The following SERPINB7 variants were observed in gnomAD, a reference collection of about 807,000 sequenced individuals.
SERPINB7 encodes serpin family B member 7.
A neutral mutation model predicts 37.4 loss-of-function variants in SERPINB7; 31 were observed. The ratio of observed to expected loss-of-function variants is 0.83; its 90% confidence interval spans 0.62 to 1.12. The LOEUF (loss-of-function observed/expected upper bound fraction) is 1.12, where lower values mean the gene tolerates loss of function less well. Ranked by LOEUF, SERPINB7 falls within the 50% of genes most tolerant of loss-of-function variation. The pLI is 0.00. For missense variants in SERPINB7, 521 were observed against 455.3 expected (o/e 1.14, Z -1.31); for synonymous variants, 163 against 166.1 (o/e 0.98, Z 0.14).
intron 1 of SERPINB7, among the ~76,000 whole-genome samples, chr18:63,755,803 A>G (rs73486047): frequency 0.02 from 3,038 of 152,224 alleles, 36 homozygotes; most frequent in Middle Eastern, 0.027. Flanking sequence ...CTGAGGTGTG[A>G]GAATTGCTTG....
At chr18:63,792,878 G>A (rs576962404) in intron 3 of SERPINB7, among the ~76,000 whole-genome samples, 1 of 152,102 alleles carries the variant, frequency 6.6e-6, no homozygotes, top group East Asian at 1.9e-4. Context: ...TATATTCATA[G>A]ACAACTTACA....
intron 1 of SERPINB7, among the ~76,000 whole-genome samples, chr18:63,755,104 C>T (rs1475043220): frequency 6.6e-6 from 1 of 151,760 alleles, no homozygotes; most frequent in African/African-American, 2.4e-5. Flanking sequence ...CGGGGTTTCA[C>T]CTTGTTAGCC....
intron 2 of SERPINB7, among the ~76,000 whole-genome samples, chr18:63,782,995 G>A (rs1259482489): frequency 2.0e-5 from 3 of 151,402 alleles, no homozygotes; most frequent in African/African-American, 4.9e-5. Context: ...AAAATTAGCC[G>A]GGCATGGTGG....
At chr18:63,765,217 C>G (rs1412112891) in intron 1 of SERPINB7, among the ~76,000 whole-genome samples, 1 of 152,130 alleles carries the variant, frequency 6.6e-6, no homozygotes, top group African/African-American at 2.4e-5. Context: ...GTTACAAACT[C>G]TTGTTCAATT....
intron 1 of SERPINB7, among the ~76,000 whole-genome samples, chr18:63,763,100 T>C (rs1390422468): frequency 6.6e-6 from 1 of 152,158 alleles, no homozygotes; most frequent in African/African-American, 2.4e-5. Flanking sequence ...GACTACAAGG[T>C]AGATGAAAAT....
intron 7 of SERPINB7, among the ~76,000 whole-genome samples, 157 bp downstream of exon 7, chr18:63,801,169 T>C (rs2049544781): frequency 6.6e-6 from 1 of 152,232 alleles, no homozygotes; most frequent in Non-Finnish European, 1.5e-5. Context: ...GGGTACCTAG[T>C]ATGAGCCAGA....
intron 1 of SERPINB7, among the ~76,000 whole-genome samples, chr18:63,755,537 T>C (rs988246439): frequency 6.6e-6 from 1 of 152,134 alleles, no homozygotes; most frequent in Non-Finnish European, 1.5e-5. Context: ...AAGTATCATT[T>C]TAAAAGGTGA....
chr18:63,783,186 A>AAGAAAGAGAG (rs2049320533), intron 2 of SERPINB7, among the ~76,000 whole-genome samples: 20 of 75,322 alleles, frequency 2.7e-4, no homozygotes, highest in African/African-American at 3.0e-4. Flanking sequence ...GAAAGAAAGA[A>AAGAAAGAGAG]AGAGAGAGAG....
At chr18:63,794,447 T>G (rs949610943) in intron 4 of SERPINB7, among the ~76,000 whole-genome samples, 2 of 152,050 alleles carry the variant, frequency 1.3e-5, no homozygotes, top group African/African-American at 4.8e-5. Flanking sequence ...TCCCAGCACT[T>G]TGGGAGGCCG....
chr18:63,769,441 A>G (rs1460316931), intron 1 of SERPINB7, among the ~76,000 whole-genome samples: 2 of 152,132 alleles, frequency 1.3e-5, no homozygotes, highest in South Asian at 2.1e-4. Context: ...TAATTCTAAA[A>G]TCTGTCTCAT....
At chr18:63,794,499 G>A (rs1568212710) in intron 4 of SERPINB7, among the ~76,000 whole-genome samples, 1 of 151,928 alleles carries the variant, frequency 6.6e-6, no homozygotes, top group African/African-American at 2.4e-5. Context: ...GACCATCCTG[G>A]CTAACACGGT....
Position 63,805,271 on chromosome 18 carries a change from C to T in SERPINB7, c.*636C>T, listed in dbSNP as rs555047132. 1.8e-4 allele frequency: 27 copies of T among 152,304 alleles called. No individual in the cohort carries two copies. Among genetic ancestry groups the T allele is most frequent in the African/African-American group, 6.3e-4 (26 of 41,544 alleles). 9.4% of individuals were successfully genotyped at this position (152,304 alleles called of 1,614,324 possible). On this transcript the variant is annotated 3_prime_UTR_variant, in exon 8 of 8. Coordinates refer to ENST00000398019, the MANE Select transcript of SERPINB7 (RefSeq NM_003784.4). ...CATAGTTTTTTCAAATATTAAAGAT[C>T]TTTTAACTGTTGGCAGTTGTTATCT...
In SERPINB7 at chr18:63,804,294, A is replaced by T; in HGVS notation, c.802A>T (p.Thr268Ser). The change falls in exon 8 of 8, where the codon ACC becomes TCC. Residue 268 changes from threonine to serine, a missense_variant. By Grantham distance (58) the Thr-to-Ser change is moderately conservative (BLOSUM62 1). Coordinates refer to ENST00000398019, the MANE Select transcript of SERPINB7 (RefSeq NM_003784.4). ...LMEWTNPRRM[T>S]SKYVEVFFPQ... The stretch of plus-strand genomic sequence containing the variant: ...GGAATGGACCAATCCAAGGCGAATG[A>T]CCTCTAAGTATGTTGAGGTATTTTT... 6.2e-7 allele frequency: 1 copy of T among 1,607,626 alleles called. No homozygotes were observed. Among genetic ancestry groups the T allele is most frequent in the Non-Finnish European group, 8.5e-7 (1 of 1,177,850 alleles).
chr18:63,793,061 C>A (rs1211304138), intron 3 of SERPINB7, 100 bp from the exon 4 acceptor site: 6 of 533,258 alleles, frequency 1.1e-5, no homozygotes, highest in East Asian at 6.5e-5. Context: ...TAAAAAAATT[C>A]TTTTATGGTA....
At chr18:63,787,484 G>C (rs567754050) in intron 2 of SERPINB7, among the ~76,000 whole-genome samples, 6 of 152,232 alleles carry the variant, frequency 3.9e-5, no homozygotes, top group Non-Finnish European at 8.8e-5. Context: ...AAAAAGTTAA[G>C]GAGAATGACT....
intron 1 of SERPINB7, among the ~76,000 whole-genome samples, chr18:63,763,013 T>TA (rs1242476034): frequency 6.6e-6 from 1 of 152,180 alleles, no homozygotes; most frequent in Non-Finnish European, 1.5e-5. Context: ...ATTACCTCAG[T>TA]AAAAGGGGGG....
chr18:63,778,286 T>A (rs2049270026), intron 1 of SERPINB7, among the ~76,000 whole-genome samples: 1 of 152,164 alleles, frequency 6.6e-6, no homozygotes, highest in Non-Finnish European at 1.5e-5. Context: ...AATTTGAAAC[T>A]ATGTTTTTAA....
At chr18:63,783,145 A>G (rs1363628188) in intron 2 of SERPINB7, among the ~76,000 whole-genome samples, 1 of 150,804 alleles carries the variant, frequency 6.6e-6, no homozygotes, top group Non-Finnish European at 1.5e-5. Context: ...CTCAGAAAAC[A>G]AACGATCAAA....
chr18:63,804,229 T>A lies in SERPINB7; in HGVS notation c.745-8T>A. The A allele has an allele frequency of 6.5e-7, 1 of 1,528,210 alleles. No individual in the cohort carries two copies. Among genetic ancestry groups the A allele is most frequent in the African/African-American group, 1.4e-5 (1 of 71,966 alleles). 94.7% of individuals were successfully genotyped at this position (1,528,210 alleles called of 1,614,324 possible). On this transcript the variant is annotated splice_region_variant and splice_polypyrimidine_tract_variant and intron_variant, in intron 7 of 7. Transcript: ENST00000398019. The stretch of plus-strand genomic sequence containing the variant: ...TGATTCTAAATTATCTCTGAATTAT[T>A]TTTACAGATTGAAAACAAACTGACC...
Sources: gnomAD v4.1 joint callset for allele counts (sites outside exome capture counted in the v4.1 genomes callset) on GRCh38, gnomAD v4.1.1 for gene constraint, MANE v1.5 for transcripts, NCBI Gene and HGNC (gene_info 2026-07-23, HGNC 2026-07-21) for gene names.